Variants in CACNA2D2 observed in about 807,000 individuals in gnomAD.
CACNA2D2 encodes calcium voltage-gated channel auxiliary subunit alpha2delta 2, also known as voltage-dependent calcium channel subunit alpha-2/delta-2.
A neutral mutation model predicts 166.4 loss-of-function variants in CACNA2D2; 48 were observed. The observed-to-expected ratio is 0.29, with a 90% confidence interval of 0.23 to 0.37. CACNA2D2 has a LOEUF of 0.37. Ranked by LOEUF, CACNA2D2 falls within the 10% of genes least tolerant of loss-of-function variation. The pLI is 1.00. For missense variants in CACNA2D2, 1,122 were observed against 1,433.0 expected, an observed-to-expected ratio of 0.78 and a Z score of 3.50; for synonymous variants, 561 against 573.7, an observed-to-expected ratio of 0.98 and a Z score of 0.32.
At chr3:50,499,654 G>A (rs1296907457) in intron 1 of CACNA2D2, among the ~76,000 whole-genome samples, 6 of 152,250 alleles carry the variant, frequency 3.9e-5, no homozygotes, top group African/African-American at 1.2e-4. Flanking sequence ...CACACAGGCA[G>A]GAGGAGAAGG....
intron 3 of CACNA2D2, among the ~76,000 whole-genome samples, chr3:50,400,269 C>T (rs962000841): frequency 1.3e-5 from 2 of 152,236 alleles, no homozygotes; most frequent in African/African-American, 2.4e-5. Flanking sequence ...GTTAGGGGGC[C>T]CTGGCCCTGT....
chr3:50,387,713 G>C, intron 4 of CACNA2D2, 101 bp from the exon 5 acceptor site: 1 of 897,032 alleles, frequency 1.1e-6, no homozygotes, highest in South Asian at 1.6e-5. Flanking sequence ...ATTCCTCTGG[G>C]GCAGAGACTG....
chr3:50,458,696 G>A (rs1040693694), intron 2 of CACNA2D2, among the ~76,000 whole-genome samples: 1 of 152,218 alleles, frequency 6.6e-6, no homozygotes, highest in Admixed American at 6.5e-5. Context: ...AAACCCACAG[G>A]AACAAAGGAA....
rs1409367223 is a variant in CACNA2D2, at chr3:50,366,654, C to T, written c.2590-29G>A. On this transcript the variant is annotated intron_variant, in intron 29 of 37. Transcript: ENST00000424201. The surrounding 1 kb of genome is among the most constrained non-coding windows in gnomAD (Gnocchi z 5.9). Reference sequence around the variant, plus strand: ...CTGGGCAGAGAGTGAGGACCGTAAGCCACCCACCAGTTTTCCTCCCTCCCA... The same window carrying T: ...CTGGGCAGAGAGTGAGGACCGTAAGTCACCCACCAGTTTTCCTCCCTCCCA... 6.2e-7 allele frequency: 1 copy of T among 1,613,350 alleles called. No homozygotes were observed.
intron 1 of CACNA2D2, among the ~76,000 whole-genome samples, chr3:50,481,031 AGTT>A (rs1455202164): frequency 8.0e-6 from 1 of 125,718 alleles, no homozygotes; most frequent in Non-Finnish European, 1.7e-5. Context: ...TTATATGTGG[AGTT>A]GTTGATCAGA....
rs148326523 is a variant in CACNA2D2 at position 50,436,234 on chromosome 3, G to A, written c.289-1805C>T. 2.6e-4 allele frequency among the ~76,000 whole-genome samples: 39 copies of A among 152,250 alleles called. 1 individual carries two copies. The highest frequency in any genetic ancestry group is 8.4e-4 in the African/African-American group (35 of 41,532). Reference sequence around the variant, plus strand: ...CGATGCCTCTGGAGAGTGGTGCCCCGACCCATTTGCACCAGCAGGGGGCAC... The same window carrying A: ...CGATGCCTCTGGAGAGTGGTGCCCCAACCCATTTGCACCAGCAGGGGGCAC... On this transcript the variant is annotated intron_variant, in intron 2 of 37. Coordinates refer to ENST00000424201, the MANE Select transcript of CACNA2D2 (RefSeq NM_006030.4).
chr3:50,499,166 T>G lies in CACNA2D2; in HGVS notation c.206+4052A>C, dbSNP rs370144816. Among the ~76,000 whole-genome samples, 21 of 151,992 alleles carry G rather than the reference T, an allele frequency of 1.4e-4. No homozygotes were observed. The East Asian group carries it at 3.9e-3, about 28-fold the overall frequency. On this transcript the variant is annotated intron_variant, in intron 1 of 37. Transcript: ENST00000424201. ...TGTGGGTGGGCACAGCCTGAGAGAG[T>G]GGCACAGCCCAGAGCTGGGATGGGA...
chr3:50,473,799 C>G (rs1190518404), intron 2 of CACNA2D2, among the ~76,000 whole-genome samples: 2 of 152,220 alleles, frequency 1.3e-5, no homozygotes, highest in African/African-American at 4.8e-5. Context: ...CCCACGCCCA[C>G]CTCACCAGAG....
In CACNA2D2 at chr3:50,375,759, G is replaced by A; in HGVS notation, c.1845+50C>T. ...GGGCTAGCAGGCAGGGGGCGCTGGG[G>A]TAGAAGGGTGCCCACCCTGACTCCC... On this transcript the variant is annotated intron_variant, in intron 20 of 37. Coordinates refer to ENST00000424201, the MANE Select transcript of CACNA2D2 (RefSeq NM_006030.4). The surrounding 1 kb of genome is among the most constrained non-coding windows in gnomAD (Gnocchi z 4.0). 6.2e-7 allele frequency: 1 copy of A among 1,612,736 alleles called. No individual in the cohort carries two copies.
In CACNA2D2 at chr3:50,367,001, A is replaced by C. The variant is rs1479670880; in HGVS notation, c.2500+10T>G. 3.7e-6 allele frequency: 6 copies of C among 1,613,550 alleles called. No individual in the cohort carries two copies. Among genetic ancestry groups the C allele is most frequent in the African/African-American group, 1.3e-5 (1 of 74,928 alleles). ...TTGCCTGTTTCCCCACCTCTGTCCCAAACATTCACCTGCTGGCCTCAGTGT... is the reference window on the plus strand; with the variant it reads ...TTGCCTGTTTCCCCACCTCTGTCCCCAACATTCACCTGCTGGCCTCAGTGT... On this transcript the variant is annotated intron_variant, in intron 28 of 37. Transcript: ENST00000424201. The surrounding 1 kb of genome is among the most constrained non-coding windows in gnomAD (Gnocchi z 6.5).
intron 2 of CACNA2D2, among the ~76,000 whole-genome samples, chr3:50,439,153 T>C (rs1311284832): frequency 6.6e-6 from 1 of 152,076 alleles, no homozygotes; most frequent in Non-Finnish European, 1.5e-5. Context: ...GGCAAAGCCA[T>C]GGGAAAAGAG....
chr3:50,379,153 G>A lies in CACNA2D2; in HGVS notation c.1199C>T (p.Thr400Met), dbSNP rs753717572. 1.9e-6 allele frequency: 3 copies of A among 1,613,960 alleles called. No homozygotes were observed. The highest frequency in any genetic ancestry group is 1.7e-5 in the Admixed American group (1 of 60,026). The change falls in exon 12 of 38, where the codon ACG becomes ATG. Residue 400 changes from threonine (T) to methionine (M), a missense_variant. By Grantham distance (81) the Thr-to-Met change is moderately conservative (BLOSUM62 -1). Around this residue, in one of 2 missense-constraint regions of CACNA2D2, gnomAD observed 840 missense variants for 1,166.8 expected, o/e 0.72. Coordinates refer to ENST00000424201, the MANE Select transcript of CACNA2D2 (RefSeq NM_006030.4). The surrounding 1 kb of genome is among the most constrained non-coding windows in gnomAD (Gnocchi z 6.5). ...ANCNKMIMMF[T>M]DGGEDRVQDV... ...CTGCACGCGGTCCTCACCACCATCC[G>A]TGAACATCATGATCATCTTGTTGCA...
At chr3:50,386,561 GCCCA>G (rs2106698153) in intron 5 of CACNA2D2, among the ~76,000 whole-genome samples, 1 of 152,322 alleles carries the variant, frequency 6.6e-6, no homozygotes, top group East Asian at 1.9e-4. Context: ...ACCTGCTTGA[GCCCA>G]CCCCGCTCCG....
intron 3 of CACNA2D2, among the ~76,000 whole-genome samples, chr3:50,411,225 C>T (rs1707001352): frequency 6.6e-6 from 1 of 152,214 alleles, no homozygotes; most frequent in South Asian, 2.1e-4. Flanking sequence ...TTCATTGCTT[C>T]ACCTCCCTCC....
chr3:50,397,228 A>G (rs1376380843), intron 3 of CACNA2D2, among the ~76,000 whole-genome samples: 1 of 152,254 alleles, frequency 6.6e-6, no homozygotes, highest in East Asian at 1.9e-4. Context: ...ACGGAGTCGT[A>G]ATAGCCACAG....
chr3:50,367,164 C>G lies in CACNA2D2; in HGVS notation c.2402-55G>C. 7.4e-7 allele frequency: 1 copy of G among 1,359,318 alleles called. No homozygotes were observed. The allele number at this position is 1,359,318 out of a possible 1,614,324, so 84.2% of individuals were successfully genotyped here. On this transcript the variant is annotated intron_variant, in intron 27 of 37. Coordinates refer to ENST00000424201, the MANE Select transcript of CACNA2D2 (RefSeq NM_006030.4). This position sits in a 1 kb window ranked among gnomAD's most constrained non-coding sequence, Gnocchi z 6.5. ...GGGTCTGGCGGCCACACTGACCACT[C>G]TATGCTGGGTCCTACAAACCCAGCA...
chr3:50,475,767 C>T (rs894454270), intron 2 of CACNA2D2, among the ~76,000 whole-genome samples: 7 of 152,312 alleles, frequency 4.6e-5, no homozygotes, highest in African/African-American at 1.4e-4. Flanking sequence ...CCTTCAGCTC[C>T]TGTGCACCCC....
intron 1 of CACNA2D2, among the ~76,000 whole-genome samples, chr3:50,500,067 G>A (rs1432203283): frequency 2.0e-5 from 3 of 152,192 alleles, no homozygotes; most frequent in South Asian, 4.1e-4. Flanking sequence ...AGAGCCACAG[G>A]GAGATGGAGA....
chr3:50,362,650 G>A lies in CACNA2D2; in HGVS notation c.*2016C>T, dbSNP rs45536634. 0.08 allele frequency: 12,318 copies of A among 153,360 alleles called. 607 individuals are homozygous for A. Among genetic ancestry groups the A allele is most frequent in the Non-Finnish European group, 0.11 (7,415 of 68,668 alleles). 9.5% of individuals were successfully genotyped at this position (153,360 alleles called of 1,614,324 possible). On this transcript the variant is annotated 3_prime_UTR_variant, in exon 38 of 38. Coordinates refer to ENST00000424201, the MANE Select transcript of CACNA2D2 (RefSeq NM_006030.4). ...CTGGCACCTATTATAACTGGTGGAA[G>A]CAAGTGCCATGCCCTGTGGTTGACA...
Sources: allele counts gnomAD v4.1 joint callset (sites outside exome capture counted in the v4.1 genomes callset), GRCh38; gene constraint gnomAD v4.1.1; regional missense constraint gnomAD v4.1.1; non-coding constraint Gnocchi (gnomAD v3.1); transcripts MANE v1.5; gene names NCBI Gene and HGNC (gene_info 2026-07-23, HGNC 2026-07-21).